Variants in CEP89 observed in about 807,000 individuals in gnomAD.
CEP89 encodes centrosomal protein 89.
A neutral mutation model predicts 97.6 loss-of-function variants in CEP89; 95 were observed. The ratio of observed to expected loss-of-function variants is 0.97; its 90% confidence interval spans 0.82 to 1.15. The LOEUF (loss-of-function observed/expected upper bound fraction) is 1.15. Among genes scored for constraint, CEP89 ranks in the 50% most tolerant of loss-of-function variants. CEP89 has a pLI of 0.00. For missense variants in CEP89, 869 were observed against 947.7 expected (o/e 0.92, Z 1.09); for synonymous variants, 354 against 349.1 (o/e 1.01, Z -0.16).
At chr19:32,905,745 G>A (rs923943005) in intron 14 of CEP89, among the ~76,000 whole-genome samples, 1 of 152,150 alleles carries the variant, frequency 6.6e-6, no homozygotes, top group African/African-American at 2.4e-5. Context: ...TTGAGACAGG[G>A]TCTCACTCTG....
intron 5 of CEP89, among the ~76,000 whole-genome samples, chr19:32,947,946 G>A (rs541808070): frequency 2.3e-3 from 346 of 152,258 alleles, no homozygotes; most frequent in African/African-American, 8.1e-3. Flanking sequence ...GACTGTAGGC[G>A]TGCACCACCT....
rs1227076638 is a variant in CEP89, at chr19:32,876,222, C to CTGA, written c.*2939_*2940insTCA. 1 of 152,608 alleles carries CTGA rather than the reference C, an allele frequency of 6.6e-6. No homozygotes were observed. The highest frequency in any genetic ancestry group is 2.4e-5 in the African/African-American group (1 of 41,424). The allele number at this position is 152,608 out of a possible 1,614,324, so 9.5% of individuals were successfully genotyped here. A position where few individuals can be genotyped will look rare whatever the true frequency, so the allele number is the denominator to read the frequency against. On this transcript the variant is annotated 3_prime_UTR_variant, in exon 19 of 19. Transcript: ENST00000305768. ...ACCTCCCAGGCTCAAGTGATCCTCC[C>CTGA]ACCTCAGCCTCCTGAGTAGCTGAAA...
intron 5 of CEP89, among the ~76,000 whole-genome samples, chr19:32,940,972 G>A (rs1327869180): frequency 2.0e-5 from 3 of 151,982 alleles, no homozygotes; most frequent in African/African-American, 7.2e-5. Context: ...CGTTGGCCAG[G>A]CTGGTCTTGA....
At chr19:32,910,603 C>A (rs1226209705) in intron 14 of CEP89, among the ~76,000 whole-genome samples, 2 of 152,114 alleles carry the variant, frequency 1.3e-5, no homozygotes, top group Admixed American at 1.3e-4. Flanking sequence ...TATAACACAG[C>A]TTAAAACACA....
intron 4 of CEP89, among the ~76,000 whole-genome samples, chr19:32,952,319 GA>G (rs11428227): frequency 7.1e-4 from 93 of 131,432 alleles, no homozygotes; most frequent in East Asian, 3.0e-3. Flanking sequence ...TGGCCCTATA[GA>G]AAAAAAAAAA....
intron 2 of CEP89, among the ~76,000 whole-genome samples, chr19:32,961,222 G>T (rs972120741): frequency 6.6e-6 from 1 of 151,922 alleles, no homozygotes; most frequent in Non-Finnish European, 1.5e-5. Context: ...CCTGGGTACT[G>T]GGGAATAATT....
chr19:32,917,716 G>T, intron 13 of CEP89: 1 of 777,036 alleles, frequency 1.3e-6, no homozygotes, highest in Non-Finnish European at 1.6e-6. Flanking sequence ...CTAGGGGTTG[G>T]GGGAATGCAT....
At chr19:32,948,764 A>G (rs1272256553) in intron 4 of CEP89, among the ~76,000 whole-genome samples, 1 of 151,942 alleles carries the variant, frequency 6.6e-6, no homozygotes, top group African/African-American at 2.4e-5. Flanking sequence ...CTCCTCTGTC[A>G]CCCAAGCTGG....
chr19:32,891,654 C>T (rs1422692064), intron 16 of CEP89, among the ~76,000 whole-genome samples: 1 of 151,862 alleles, frequency 6.6e-6, no homozygotes, highest in Non-Finnish European at 1.5e-5. Context: ...ATGAGGAATT[C>T]ATCGAAGAGA....
chr19:32,928,230 G>A (rs1970403335), intron 9 of CEP89, among the ~76,000 whole-genome samples: 1 of 152,036 alleles, frequency 6.6e-6, no homozygotes, highest in African/African-American at 2.4e-5. Context: ...GCCCTTTTTA[G>A]TCTTTTAAAA....
intron 14 of CEP89, among the ~76,000 whole-genome samples, chr19:32,913,141 T>C (rs1470875949): frequency 6.7e-6 from 1 of 148,270 alleles, no homozygotes; most frequent in Non-Finnish European, 1.5e-5. Flanking sequence ...CAAAATATTA[T>C]ATAATTATAC....
chr19:32,913,061 T>A (rs58933872), intron 14 of CEP89, among the ~76,000 whole-genome samples: 8,960 of 147,556 alleles, frequency 0.061, 435 homozygotes, highest in East Asian at 0.23. Context: ...AAAAAAAATT[T>A]AAAAAATAGA....
intron 16 of CEP89, among the ~76,000 whole-genome samples, chr19:32,892,950 G>A (rs1969564571): frequency 6.6e-6 from 1 of 151,950 alleles, no homozygotes; most frequent in South Asian, 2.1e-4. Flanking sequence ...TATCACTATA[G>A]AATAATAAGA....
intron 17 of CEP89, among the ~76,000 whole-genome samples, chr19:32,884,049 C>A (rs1456243556): frequency 6.6e-6 from 1 of 151,864 alleles, no homozygotes; most frequent in East Asian, 1.9e-4. Context: ...CAGACCTGAT[C>A]ATTCTGCACT....
At chr19:32,920,675 G>A (rs1344292080) in intron 12 of CEP89, among the ~76,000 whole-genome samples, 4 of 151,432 alleles carry the variant, frequency 2.6e-5, no homozygotes, top group African/African-American at 7.3e-5. Flanking sequence ...GTAGAGATGC[G>A]GTTTCACCAT....
At position 32,959,880 on chromosome 19, in the gene CEP89, G is replaced by A. The variant is rs1162556484; in HGVS notation, c.305+20C>T. The A allele has an allele frequency of 6.2e-7, 1 of 1,613,400 alleles. No homozygotes were observed. The highest frequency in any genetic ancestry group is 8.5e-7 in the Non-Finnish European group (1 of 1,179,408). On this transcript the variant is annotated intron_variant, in intron 3 of 18. Transcript: ENST00000305768. ...CTCTTCCACTCTCAGAGGAAGCAGA[G>A]GCGGCGATCTGGTACCTACCGAGGC...
chr19:32,958,915 G>A (rs1452196218), intron 3 of CEP89, among the ~76,000 whole-genome samples: 3 of 150,726 alleles, frequency 2.0e-5, no homozygotes, highest in African/African-American at 7.3e-5. Flanking sequence ...TACTCAGGAG[G>A]CTGAGGCAGG....
intron 14 of CEP89, among the ~76,000 whole-genome samples, chr19:32,908,192 T>C (rs1969927775): frequency 6.6e-6 from 1 of 152,190 alleles, no homozygotes; most frequent in African/African-American, 2.4e-5. Flanking sequence ...GCCCCCTAGA[T>C]GTAAGTAAAG....
chr19:32,956,794 C>T (rs372164640), intron 3 of CEP89, among the ~76,000 whole-genome samples: 37 of 152,116 alleles, frequency 2.4e-4, no homozygotes, highest in Middle Eastern at 3.4e-3. Flanking sequence ...AACATAAAAG[C>T]GATTAAAAAG....
Sources: gnomAD v4.1 joint callset for allele counts (sites outside exome capture counted in the v4.1 genomes callset) on GRCh38, gnomAD v4.1.1 for gene constraint, MANE v1.5 for transcripts, NCBI Gene and HGNC (gene_info 2026-07-23, HGNC 2026-07-21) for gene names.